KDM2B: variants seen among roughly 807,000 people sequenced by gnomAD.
The protein encoded by KDM2B is lysine-specific demethylase 2B.
A neutral mutation model predicts 150.0 loss-of-function variants in KDM2B; 26 were observed. The observed-to-expected ratio is 0.17, with a 90% CI of 0.13 to 0.24. The LOEUF (loss-of-function observed/expected upper bound fraction) is 0.24. KDM2B is among the 10% of genes least tolerant of loss of function. The probability of loss-of-function intolerance (pLI) is 1.00; values close to 1 mark genes in which losing one functional copy is unlikely to be tolerated. For missense variants in KDM2B, 1,265 were observed against 1,816.9 expected (o/e 0.70, Z 5.52); for synonymous variants, 734 against 729.5 (o/e 1.01, Z -0.10).
At chr12:121,433,177 C>T (rs1555285931) in intron 22 of KDM2B, 1 of 456,790 alleles carries the variant, frequency 2.2e-6, no homozygotes, top group East Asian at 6.9e-5. Context: ...TTCCCCAAAA[C>T]TGGAGCCCAA....
chr12:121,534,737 T>C, intron 6 of KDM2B, 147 bp from the exon 7 acceptor site: 1 of 618,330 alleles, frequency 1.6e-6, no homozygotes, highest in South Asian at 2.1e-5. Context: ...AAAATCCAAA[T>C]GTAATCGGAG....
chr12:121,469,617 CA>C (rs76047421), intron 12 of KDM2B: 70,801 of 129,194 alleles, frequency 0.55, 17,694 homozygotes, highest in East Asian at 0.69. Flanking sequence ...GACTCCATCT[CA>C]AAAAAAAAAA....
At chr12:121,443,647 G>C in intron 17 of KDM2B, 33 bp downstream of exon 17, 1 of 1,357,266 alleles carries the variant, frequency 7.4e-7, no homozygotes, top group Non-Finnish European at 1.0e-6. Context: ...GCCAGTCCCC[G>C]GGGCCTCAGG....
At chr12:121,420,837 GGTT>G in the KDM2B span, 1 of 1,320,970 alleles carries the variant, frequency 7.6e-7, no homozygotes, top group African/African-American at 1.5e-5. Flanking sequence ...TTAAAAACTG[GGTT>G]GTTTTTGTCA....
chr12:121,557,754 G>C (rs1340088777), intron 4 of KDM2B, among the ~76,000 whole-genome samples: 1 of 152,176 alleles, frequency 6.6e-6, no homozygotes, highest in Non-Finnish European at 1.5e-5. Context: ...CTAGCCTGCA[G>C]AAGTGTGAGA....
chr12:121,438,805 C>G (rs1225247323), intron 22 of KDM2B, among the ~76,000 whole-genome samples: 1 of 151,558 alleles, frequency 6.6e-6, no homozygotes, highest in Non-Finnish European at 1.5e-5. Flanking sequence ...TGGGGATGTC[C>G]TTAGTACTTG....
chr12:121,476,763 G>T (rs782333903), intron 12 of KDM2B, among the ~76,000 whole-genome samples: 1 of 151,766 alleles, frequency 6.6e-6, no homozygotes. Flanking sequence ...TGCTGCCATG[G>T]GCCTCTCTCT....
chr12:121,498,970 C>T (rs1008519445), intron 11 of KDM2B, among the ~76,000 whole-genome samples: 7 of 151,950 alleles, frequency 4.6e-5, no homozygotes, highest in African/African-American at 7.3e-5. Flanking sequence ...CCACCACGAC[C>T]GACTAATTTT....
At chr12:121,536,457 G>A (rs1285051875) in intron 6 of KDM2B, among the ~76,000 whole-genome samples, 1 of 152,192 alleles carries the variant, frequency 6.6e-6, no homozygotes, top group African/African-American at 2.4e-5. Context: ...CCGACTCTGG[G>A]CTCCACACCG....
intron 8 of KDM2B, among the ~76,000 whole-genome samples, chr12:121,526,959 G>T (rs2141339415): frequency 6.6e-6 from 1 of 152,088 alleles, no homozygotes; most frequent in East Asian, 2.0e-4. Context: ...TTGAACCCAG[G>T]AGGCGGAGGT....
intron 12 of KDM2B, among the ~76,000 whole-genome samples, chr12:121,491,019 C>T (rs1883285236): frequency 6.6e-6 from 1 of 152,154 alleles, no homozygotes; most frequent in Non-Finnish European, 1.5e-5. Context: ...CCTGGGAACC[C>T]AGAGACCCCG....
intron 9 of KDM2B, chr12:121,516,988 T>C (rs1190592707): frequency 1.0e-5 from 6 of 601,478 alleles, no homozygotes; most frequent in Non-Finnish European, 1.7e-5. Context: ...GAATGGGGCA[T>C]GTCGGCATTA....
chr12:121,521,679 C>A lies in KDM2B; in HGVS notation c.932-579G>T, dbSNP rs1344309996. The stretch of plus-strand genomic sequence containing the variant: ...CTTGGTCACACAACGCCTGCATGCC[C>A]CCCTCAGCTCTGCCCTCCACTCTGC... On this transcript the variant is annotated intron_variant, in intron 8 of 22. Coordinates refer to ENST00000377071, the MANE Select transcript of KDM2B (RefSeq NM_032590.5). The surrounding 1 kb of genome is among the most constrained non-coding windows in gnomAD (Gnocchi z 4.9). Among the ~76,000 whole-genome samples, 1 of 152,198 alleles carries A rather than the reference C, an allele frequency of 6.6e-6. No homozygotes were observed. Among genetic ancestry groups the A allele is most frequent in the Non-Finnish European group, 1.5e-5 (1 of 68,034 alleles).
intron 4 of KDM2B, among the ~76,000 whole-genome samples, chr12:121,563,025 A>G (rs988712044): frequency 6.6e-6 from 1 of 152,214 alleles, no homozygotes; most frequent in Non-Finnish European, 1.5e-5. Context: ...CGATAAAGAC[A>G]TAATATGTGG....
chr12:121,534,460 A>C, intron 7 of KDM2B, 37 bp downstream of exon 7: 153 of 1,454,766 alleles, frequency 1.1e-4, no homozygotes, highest in Non-Finnish European at 1.3e-4. Context: ...ACAAACAGCT[A>C]GAGATGCATA....
At chr12:121,480,907 A>G (rs1412080528) in intron 12 of KDM2B, among the ~76,000 whole-genome samples, 1 of 151,464 alleles carries the variant, frequency 6.6e-6, no homozygotes, top group Non-Finnish European at 1.5e-5. Context: ...AATGCTCTTT[A>G]TAAGTGAGAG....
chr12:121,526,803 G>A (rs868979444), intron 8 of KDM2B, among the ~76,000 whole-genome samples: 10 of 151,948 alleles, frequency 6.6e-5, no homozygotes, highest in Middle Eastern at 3.2e-3. Context: ...AGGCCGAGGC[G>A]GGCCGATCAC....
At chr12:121,487,005 C>T (rs115374772) in intron 12 of KDM2B, among the ~76,000 whole-genome samples, 4,573 of 150,444 alleles carry the variant, frequency 0.03, 227 homozygotes, top group African/African-American at 0.11. Flanking sequence ...TTGGGTGTGG[C>T]GGCGCATGCC....
At chr12:121,536,115 C>T in intron 6 of KDM2B, 1 of 985,556 alleles carries the variant, frequency 1.0e-6, no homozygotes, top group Non-Finnish European at 1.2e-6. Flanking sequence ...CGCGCCGGCA[C>T]GAGTGGAGAT....
Sources: allele counts gnomAD v4.1 joint callset (sites outside exome capture counted in the v4.1 genomes callset), GRCh38; gene constraint gnomAD v4.1.1; non-coding constraint Gnocchi (gnomAD v3.1); transcripts MANE v1.5; gene names NCBI Gene and HGNC (gene_info 2026-07-23, HGNC 2026-07-21).